Variants in SLIT3 observed in about 807,000 individuals in gnomAD.
The protein encoded by SLIT3 is slit homolog 3 protein.
A neutral mutation model predicts 184.0 loss-of-function variants in SLIT3; 68 were observed. The ratio of observed to expected loss-of-function variants is 0.37; its 90% CI spans 0.30 to 0.45. The LOEUF is 0.45. Among genes scored for constraint, SLIT3 ranks in the 20% least tolerant of loss-of-function variants. The pLI is 1.00. For missense variants in SLIT3, 1,707 were observed against 2,026.0 expected (o/e 0.84, Z 3.02); for synonymous variants, 831 against 828.6 (o/e 1.00, Z -0.05).
In SLIT3 at chr5:169,275,194, A is replaced by G. The variant is rs369391687; in HGVS notation, c.198-23735T>C. On this transcript the variant is annotated intron_variant, in intron 1 of 35. Coordinates refer to ENST00000519560, the MANE Select transcript of SLIT3 (RefSeq NM_003062.4). The stretch of plus-strand genomic sequence containing the variant: ...CACAGGTGGTGTGTAAGTACTTCTC[A>G]TGCATAGGTGCTGAACACATGAACC... Among the ~76,000 whole-genome samples the G allele has an allele frequency of 4.6e-5, 7 of 152,318 alleles. No individual in the cohort carries two copies. In the East Asian group the frequency reaches 7.7e-4, roughly 17 times the overall value.
intron 5 of SLIT3, among the ~76,000 whole-genome samples, chr5:168,878,373 G>A (rs573381578): frequency 5.9e-5 from 9 of 152,338 alleles, no homozygotes; most frequent in African/African-American, 2.2e-4. Flanking sequence ...CATCATGCTT[G>A]TGGCTCCTCA....
chr5:168,817,532 A>G (rs1757374235), intron 7 of SLIT3, 69 bp from the exon 8 acceptor site: 1 of 1,511,606 alleles, frequency 6.6e-7, no homozygotes, highest in Non-Finnish European at 9.1e-7. Context: ...CTGGCCAGAC[A>G]GAGTGACCAA....
At chr5:169,115,685 C>T (rs1760637726) in intron 4 of SLIT3, among the ~76,000 whole-genome samples, 3 of 152,134 alleles carry the variant, frequency 2.0e-5, no homozygotes, top group African/African-American at 7.2e-5. Context: ...GAGCACTATG[C>T]CAAGTGTAGA....
At chr5:169,038,569 A>G (rs1026240790) in intron 4 of SLIT3, among the ~76,000 whole-genome samples, 1 of 152,188 alleles carries the variant, frequency 6.6e-6, no homozygotes, top group African/African-American at 2.4e-5. Flanking sequence ...ATGAGGAAGA[A>G]TGACTGAGCA....
At chr5:169,061,717 G>A (rs58564191) in intron 4 of SLIT3, among the ~76,000 whole-genome samples, 32 of 152,332 alleles carry the variant, frequency 2.1e-4, no homozygotes, top group African/African-American at 7.5e-4. Context: ...CCTGGACTAG[G>A]ACAACGATGA....
chr5:168,727,298 C>G (rs948737164), intron 20 of SLIT3, among the ~76,000 whole-genome samples: 4 of 151,394 alleles, frequency 2.6e-5, no homozygotes, highest in African/African-American at 9.7e-5. Flanking sequence ...CTAGCCTGGG[C>G]AACACAGTGA....
intron 12 of SLIT3, among the ~76,000 whole-genome samples, chr5:168,777,064 AACACACAC>A (rs556884651): frequency 1.2e-4 from 8 of 65,820 alleles, no homozygotes; most frequent in South Asian, 6.6e-4. Context: ...AATTTCATAC[AACACACAC>A]ACACACACAC....
intron 4 of SLIT3, among the ~76,000 whole-genome samples, chr5:168,961,682 A>T (rs1479160156): frequency 6.6e-6 from 1 of 152,158 alleles, no homozygotes; most frequent in East Asian, 1.9e-4. Flanking sequence ...TGGTGCAGAA[A>T]GCAGGATGGG....
intron 4 of SLIT3, among the ~76,000 whole-genome samples, chr5:169,032,180 G>A (rs1387737553): frequency 6.6e-6 from 1 of 152,022 alleles, no homozygotes; most frequent in African/African-American, 2.4e-5. Context: ...TAAATGGGAA[G>A]GTACTATGAA....
chr5:169,257,337 G>T (rs919534778), intron 1 of SLIT3, among the ~76,000 whole-genome samples: 1 of 151,444 alleles, frequency 6.6e-6, no homozygotes, highest in Non-Finnish European at 1.5e-5. Flanking sequence ...TGAAACAGAG[G>T]CCTCTCCTCC....
intron 6 of SLIT3, among the ~76,000 whole-genome samples, chr5:168,833,285 T>TG (rs977115483): frequency 6.6e-6 from 1 of 152,244 alleles, no homozygotes; most frequent in African/African-American, 2.4e-5. Flanking sequence ...CATGAGGCTC[T>TG]GTTCCTGGGC....
In SLIT3 at chr5:168,684,042, G is replaced by C. The variant is rs143885439; in HGVS notation, c.3610C>G (p.Leu1204Val). Reference sequence around the variant, plus strand: ...TGGCCCTGGTACAGCTCCAGTGCCAGGGGGTCATTGTCTCCTTTGTAGAGA... The same window carrying C: ...TGGCCCTGGTACAGCTCCAGTGCCACGGGGTCATTGTCTCCTTTGTAGAGA... ...ILLYKGDNDP[L>V]ALELYQGHVR... Residue 1204 changes from leucine (L) to valine (V), a missense_variant, in exon 32 of 36, where the codon CTG becomes GTG. Transcript: ENST00000519560. 63 of 1,607,504 alleles carry C rather than the reference G, an allele frequency of 3.9e-5. No homozygotes were observed. Among genetic ancestry groups the C allele is most frequent in the Non-Finnish European group, 4.7e-5 (55 of 1,176,782 alleles).
chr5:169,049,247 T>C (rs965563264), intron 4 of SLIT3, among the ~76,000 whole-genome samples: 4 of 152,192 alleles, frequency 2.6e-5, no homozygotes, highest in Non-Finnish European at 5.9e-5. Flanking sequence ...TTGTTTCTAT[T>C]TTTCTGTATG....
chr5:169,181,908 C>G (rs943685152), intron 4 of SLIT3, among the ~76,000 whole-genome samples: 3 of 152,030 alleles, frequency 2.0e-5, no homozygotes, highest in African/African-American at 7.2e-5. Context: ...GCATTTTGAC[C>G]TCCAAAAGTC....
At chr5:168,691,839 C>A (rs1418346578) in intron 29 of SLIT3, among the ~76,000 whole-genome samples, 1 of 152,176 alleles carries the variant, frequency 6.6e-6, no homozygotes, top group African/African-American at 2.4e-5. Flanking sequence ...TGTCAGAAAA[C>A]CCCCAGTCTC....
At chr5:168,687,165 G>T (rs747282301) in intron 29 of SLIT3, 49 bp from the exon 30 acceptor site, 2 of 1,599,942 alleles carry the variant, frequency 1.3e-6, no homozygotes, top group Non-Finnish European at 8.6e-7. Flanking sequence ...AAGCCAGCTT[G>T]CAGGCAGTCA....
At chr5:169,274,456 G>C (rs1021161544) in intron 1 of SLIT3, among the ~76,000 whole-genome samples, 2 of 152,176 alleles carry the variant, frequency 1.3e-5, no homozygotes, top group African/African-American at 2.4e-5. Context: ...ATAAGATAAT[G>C]TATAAAATTC....
chr5:168,916,118 C>G (rs1331886938), intron 4 of SLIT3, among the ~76,000 whole-genome samples: 1 of 151,988 alleles, frequency 6.6e-6, no homozygotes, highest in Non-Finnish European at 1.5e-5. Flanking sequence ...GCAAAATCAC[C>G]ACCACCACCA....
At chr5:168,765,789 C>T (rs1480523373) in intron 14 of SLIT3, among the ~76,000 whole-genome samples, 9 of 152,196 alleles carry the variant, frequency 5.9e-5, no homozygotes, top group South Asian at 2.1e-4. Flanking sequence ...AACTCAACCT[C>T]GGCTGAAACC....
Sources: gnomAD v4.1 joint callset for allele counts (sites outside exome capture counted in the v4.1 genomes callset) on GRCh38, gnomAD v4.1.1 for gene constraint, MANE v1.5 for transcripts, NCBI Gene and HGNC (gene_info 2026-07-23, HGNC 2026-07-21) for gene names.